The following AXIN2 variants were observed in gnomAD, a reference collection of about 807,000 sequenced individuals.
The protein encoded by AXIN2 is axin 2.
AXIN2 carries 21 observed loss-of-function variants against 74.7 expected under a neutral mutation model. That is an observed-to-expected ratio of 0.28 (90% CI 0.20 to 0.40). AXIN2 has a LOEUF of 0.40. AXIN2 is among the 10% of genes least tolerant of loss of function. The pLI is 1.00. For missense variants in AXIN2, 1,144 were observed against 1,111.1 expected (o/e 1.03, Z -0.42); for synonymous variants, 532 against 454.9 (o/e 1.17, Z -2.16).
intron 4 of AXIN2, 64 bp downstream of exon 4, chr17:65,541,391 T>C (rs2044039916): frequency 1.1e-5 from 16 of 1,435,432 alleles, no homozygotes; most frequent in Non-Finnish European, 1.5e-5. Flanking sequence ...CCACCACCCA[T>C]TTCTTTTCTT....
intron 2 of AXIN2, among the ~76,000 whole-genome samples, chr17:65,557,168 A>G (rs2044278740): frequency 6.6e-6 from 1 of 152,188 alleles, no homozygotes; most frequent in Non-Finnish European, 1.5e-5. Flanking sequence ...ACCTGGATTA[A>G]TATGCCAGCA....
At chr17:65,559,538 A>G (rs937409954) in intron 1 of AXIN2, 1 of 151,638 alleles carries the variant, frequency 6.6e-6, no homozygotes, top group Non-Finnish European at 1.5e-5. Context: ...TTCATCTTCA[A>G]ACTTTGAGAG....
At chr17:65,536,686 A>C in intron 7 of AXIN2, 133 bp from the exon 8 acceptor site, 2 of 1,382,724 alleles carry the variant, frequency 1.4e-6, no homozygotes, top group Non-Finnish European at 2.0e-6. Flanking sequence ...CATAACATGA[A>C]CAGGGGTCAG....
At chr17:65,545,861 G>C (rs1223675160) in intron 3 of AXIN2, among the ~76,000 whole-genome samples, 3 of 152,140 alleles carry the variant, frequency 2.0e-5, no homozygotes, top group African/African-American at 7.2e-5. Flanking sequence ...CCCGGCATGT[G>C]GCTCCCTGGA....
At chr17:65,542,928 G>A (rs575228142) in intron 3 of AXIN2, among the ~76,000 whole-genome samples, 1 of 152,314 alleles carries the variant, frequency 6.6e-6, no homozygotes, top group South Asian at 2.1e-4. Context: ...CAGGGGGCAA[G>A]CCAGGAGTAA....
rs1185151529 is a variant in AXIN2 at position 65,530,117 on chromosome 17, C to G, written c.2406-15G>C. 2 of 1,613,570 alleles carry G rather than the reference C, an allele frequency of 1.2e-6. 1 individual carries two copies. Among genetic ancestry groups the G allele is most frequent in the East Asian group, 4.5e-5 (2 of 44,900 alleles). ...TGAAGTAATACCTTAAAAGGAAAACCAAAAAAGCTTCTTGGTAAACTGCAT... is the reference window on the plus strand; with the variant it reads ...TGAAGTAATACCTTAAAAGGAAAACGAAAAAAGCTTCTTGGTAAACTGCAT... On this transcript the variant is annotated splice_polypyrimidine_tract_variant and intron_variant, in intron 10 of 10. Transcript: ENST00000307078.
chr17:65,536,285 C>G (rs1310892799), intron 8 of AXIN2, 35 bp downstream of exon 8: 2 of 1,569,570 alleles, frequency 1.3e-6, no homozygotes. Context: ...AAACCCAATC[C>G]CTGCCTCAAC....
intron 2 of AXIN2, among the ~76,000 whole-genome samples, chr17:65,556,033 G>A (rs935824466): frequency 2.0e-5 from 3 of 152,100 alleles, no homozygotes; most frequent in African/African-American, 7.2e-5. Context: ...TGGAAAACAG[G>A]AGCTTCTGTC....
intron 5 of AXIN2, 62 bp from the exon 6 acceptor site, chr17:65,537,897 G>C (rs2144469849): frequency 6.7e-7 from 1 of 1,490,442 alleles, no homozygotes; most frequent in East Asian, 2.4e-5. Context: ...GAGGCCCTGG[G>C]GTTGCAACAT....
In AXIN2 at chr17:65,535,774, C is replaced by G. The variant is rs1052520649; in HGVS notation, c.2142-53G>C. The stretch of plus-strand genomic sequence containing the variant: ...TAGAGGTACACTGTTGTCCCCAGAG[C>G]AATTGAAAAGCAGACAGAAAATTAC... On this transcript the variant is annotated intron_variant, in intron 8 of 10. Coordinates refer to ENST00000307078, the MANE Select transcript of AXIN2 (RefSeq NM_004655.4). 2.2e-5 allele frequency: 34 copies of G among 1,522,346 alleles called. 1 individual carries two copies. The Admixed American group carries it at 4.6e-4, about 20-fold the overall frequency. 94.3% of individuals were successfully genotyped at this position (1,522,346 alleles called of 1,614,324 possible).
chr17:65,558,853 T>G (rs969516492), intron 1 of AXIN2, 117 bp from the exon 2 acceptor site: 8 of 567,896 alleles, frequency 1.4e-5, no homozygotes, highest in Non-Finnish European at 2.5e-5. Context: ...CTCCTCAAAT[T>G]CAAATCAAGC....
Position 65,529,715 on chromosome 17 carries a change from C to T in AXIN2, c.*261G>A. 1.9e-6 allele frequency: 1 copy of T among 519,300 alleles called. No homozygotes were observed. Among genetic ancestry groups the T allele is most frequent in the East Asian group, 3.4e-5 (1 of 29,718 alleles). 32.2% of individuals were successfully genotyped at this position (519,300 alleles called of 1,614,324 possible). ...TGTATGGCAGTCTCTCAAATACAGG[C>T]AGCATCTTCAATAGCCAAGAGTGGT... is the stretch of plus-strand genomic sequence containing the variant. On this transcript the variant is annotated 3_prime_UTR_variant, in exon 11 of 11. Coordinates refer to ENST00000307078, the MANE Select transcript of AXIN2 (RefSeq NM_004655.4).
At position 65,558,507 on chromosome 17, in the gene AXIN2, T is replaced by C. The variant is rs2144590869; in HGVS notation, c.114A>G (p.Pro38=). ...GEEGETPPCQ[P]GVGKGQVTKP... ...TGGTGACCTGGCCCTTGCCCACCCC[T>C]GGCTGACACGGTGGGGTCTCCCCTT... The change falls in exon 2 of 11, where the codon CCA becomes CCG. Residue 38 remains proline (P), a synonymous_variant. Transcript: ENST00000307078. The C allele has an allele frequency of 6.2e-7, 1 of 1,613,360 alleles. No homozygotes were observed.
chr17:65,532,143 T>C (rs955979024), intron 10 of AXIN2, among the ~76,000 whole-genome samples: 1 of 151,920 alleles, frequency 6.6e-6, no homozygotes, highest in African/African-American at 2.4e-5. Flanking sequence ...GAGTTGACCA[T>C]TTGTGCAAGT....
intron 4 of AXIN2, 104 bp from the exon 5 acceptor site, chr17:65,538,447 T>C: frequency 6.0e-6 from 9 of 1,492,786 alleles, no homozygotes; most frequent in Admixed American, 3.6e-5. Flanking sequence ...CGCAAACCCA[T>C]GTTCGGGTGT....
At chr17:65,548,089 G>A (rs750111882) in intron 3 of AXIN2, among the ~76,000 whole-genome samples, 21 of 152,162 alleles carry the variant, frequency 1.4e-4, no homozygotes, top group Non-Finnish European at 2.8e-4. Flanking sequence ...AGTCAATATG[G>A]AAAACTCACT....
In AXIN2 at chr17:65,541,537, C is replaced by T. The variant is rs750274537; in HGVS notation, c.977G>A (p.Arg326His). The T allele has an allele frequency of 1.5e-5, 24 of 1,613,940 alleles. No individual in the cohort carries two copies. The highest frequency in any genetic ancestry group is 1.6e-4 in the Middle Eastern group (1 of 6,084). ...DSSVDGIPPY[R>H]VGSKKQLQRE... ...CTGGAGCTGTTTCTTACTGCCCACA[C>T]GATAAGGAGGAATTCCATCTCTAAG... The change falls in exon 4 of 11, where the codon CGT (arginine) becomes CAT (histidine). Residue 326 changes from arginine to histidine, a missense_variant. By Grantham distance (29) the Arg-to-His change is conservative (BLOSUM62 0). Around this residue, in one of 4 missense-constraint regions of AXIN2, gnomAD observed 1,053 missense variants for 973.5 expected, o/e 1.08. Transcript: ENST00000307078.
At chr17:65,559,292 C>G in intron 1 of AXIN2, among the ~76,000 whole-genome samples, 1 of 136,596 alleles carries the variant, frequency 7.3e-6, no homozygotes, top group Admixed American at 7.3e-5. Flanking sequence ...CCTCCCTCTG[C>G]GCTCCCTCTT....
At position 65,558,205 on chromosome 17, in the gene AXIN2, A is replaced by G. The variant is rs1598119714; in HGVS notation, c.416T>C (p.Ile139Thr). ...RVAKAIYKRYIENNSIVSKQL... is the reference protein window; with the variant it reads ...RVAKAIYKRYTENNSIVSKQL... Reference sequence around the variant, plus strand: ...CTTGGAGACAATGCTGTTGTTCTCAATGTACCTTTTGTAGATCGCTTTGGC... The same window carrying G: ...CTTGGAGACAATGCTGTTGTTCTCAGTGTACCTTTTGTAGATCGCTTTGGC... The change falls in exon 2 of 11, where the codon ATT becomes ACT. Residue 139 changes from isoleucine to threonine, a missense_variant. Transcript: ENST00000307078. 1.2e-6 allele frequency: 2 copies of G among 1,614,094 alleles called. No homozygotes were observed. Among genetic ancestry groups the G allele is most frequent in the Non-Finnish European group, 8.5e-7 (1 of 1,180,022 alleles).
Sources: allele counts gnomAD v4.1 joint callset (sites outside exome capture counted in the v4.1 genomes callset), GRCh38; gene constraint gnomAD v4.1.1; regional missense constraint gnomAD v4.1.1; transcripts MANE v1.5; gene names NCBI Gene and HGNC (gene_info 2026-07-23, HGNC 2026-07-21).